Variants in OVCH1 observed in about 807,000 individuals in gnomAD.
OVCH1 encodes the protein ovochymase-1.
Under a neutral mutation model 138.4 loss-of-function variants are expected in OVCH1, and 139 were observed. That is an observed-to-expected ratio of 1.00 (90% confidence interval 0.87 to 1.16). OVCH1 has a LOEUF of 1.16. OVCH1 is among the 50% of genes most tolerant of loss of function. The pLI is 0.00. For missense variants in OVCH1, 1,367 were observed against 1,357.9 expected, an observed-to-expected ratio of 1.01 and a Z score of -0.11; for synonymous variants, 453 against 467.8, an observed-to-expected ratio of 0.97 and a Z score of 0.41.
At chr12:29,420,508 TTTTTTTTTTTTTTTTTTTTTG>T (rs1941088975) in intron 3 of OVCH1, among the ~76,000 whole-genome samples, 1 of 6,296 alleles carries the variant, frequency 1.6e-4, no homozygotes, top group Non-Finnish European at 5.3e-4. Context: ...TTTTTTTTTT[TTTTTTTTTTTTTTTTTTTTTG>T]AGACGGAGTC....
At chr12:29,436,264 T>A (rs1053096102) in intron 26 of OVCH1, among the ~76,000 whole-genome samples, 2 of 142,028 alleles carry the variant, frequency 1.4e-5, no homozygotes, top group Non-Finnish European at 3.0e-5. Context: ...TTTAATAATA[T>A]AAGTATAGCT....
At chr12:29,440,014 C>T (rs1192311629) in intron 25 of OVCH1, among the ~76,000 whole-genome samples, 1 of 152,158 alleles carries the variant, frequency 6.6e-6, no homozygotes, top group Admixed American at 6.5e-5. Context: ...TTTATGAACT[C>T]TCCTTTTGGG....
chr12:29,415,577 A>G (rs970838550), intron 3 of OVCH1, among the ~76,000 whole-genome samples: 2 of 152,206 alleles, frequency 1.3e-5, no homozygotes, highest in African/African-American at 2.4e-5. Flanking sequence ...AGACAATGCA[A>G]TACTTAGGTA....
chr12:29,425,966 C>G (rs1941173807), downstream of OVCH1: 1 of 152,154 alleles, frequency 6.6e-6, no homozygotes, highest in Non-Finnish European at 1.5e-5. Flanking sequence ...TGCCAACGTT[C>G]CTTAAATTTG....
At chr12:29,437,466 T>C (rs1056540349) in intron 26 of OVCH1, among the ~76,000 whole-genome samples, 1 of 152,228 alleles carries the variant, frequency 6.6e-6, no homozygotes, top group African/African-American at 2.4e-5. Flanking sequence ...TAGTCATGGG[T>C]GAATTATCAT....
exon 6 of OVCH1, chr12:29,489,757 T>A: frequency 6.2e-7 from 1 of 1,610,186 alleles, no homozygotes. Flanking sequence ...TGTAGGACAT[T>A]TGAATATTCT....
chr12:29,472,736 CA>C (rs1033449603), intron 15 of OVCH1, among the ~76,000 whole-genome samples: 4 of 152,294 alleles, frequency 2.6e-5, no homozygotes, highest in Middle Eastern at 6.8e-3. Flanking sequence ...CTCTTTGCCC[CA>C]CACTGACTAT....
intron 14 of OVCH1, among the ~76,000 whole-genome samples, chr12:29,474,709 A>G (rs1226055283): frequency 6.6e-6 from 1 of 152,178 alleles, no homozygotes; most frequent in Non-Finnish European, 1.5e-5. Flanking sequence ...CAGGATACCT[A>G]TTAATTCTTC....
chr12:29,402,669 G>A, the OVCH1 span, among the ~76,000 whole-genome samples: 5 of 151,120 alleles, frequency 3.3e-5, no homozygotes, highest in African/African-American at 1.2e-4. Context: ...AGAAGAGGGA[G>A]GTTGTTAATT....
intron 8 of OVCH1, 113 bp downstream of exon 8, chr12:29,486,137 A>G (rs1943098391): frequency 9.5e-7 from 1 of 1,050,876 alleles, no homozygotes; most frequent in South Asian, 1.5e-5. Context: ...TAAAGTTTAC[A>G]TTCAAAAATT....
chr12:29,412,286 C>T (rs1017915485), downstream of OVCH1, among the ~76,000 whole-genome samples: 52 of 152,246 alleles, frequency 3.4e-4, no homozygotes, highest in African/African-American at 1.1e-3. Context: ...CACTCTGCTT[C>T]GGCTCACGCA....
intron 19 of OVCH1, among the ~76,000 whole-genome samples, chr12:29,461,205 A>T (rs1033074795): frequency 6.6e-6 from 1 of 152,238 alleles, no homozygotes; most frequent in African/African-American, 2.4e-5. Context: ...TTACTTGGGT[A>T]GCCCCACATC....
intron 19 of OVCH1, among the ~76,000 whole-genome samples, chr12:29,458,377 A>AC (rs1246745683): frequency 6.6e-6 from 1 of 152,128 alleles, no homozygotes; most frequent in African/African-American, 2.4e-5. Flanking sequence ...GGTGCAAAAA[A>AC]AAAAATACAT....
intron 19 of OVCH1, among the ~76,000 whole-genome samples, chr12:29,461,395 A>G (rs1052973946): frequency 3.9e-5 from 6 of 152,256 alleles, no homozygotes; most frequent in Admixed American, 3.9e-4. Flanking sequence ...AGCTTGTACA[A>G]TAGACATCTT....
At chr12:29,477,656 C>T in intron 9 of OVCH1, 178 bp from the exon 11 acceptor site, 1 of 1,519,904 alleles carries the variant, frequency 6.6e-7, no homozygotes, top group Non-Finnish European at 9.0e-7. Flanking sequence ...TTCCAGTCTC[C>T]TTCTCAACCC....
Position 29,469,804 on chromosome 12 carries a change from G to C in OVCH1, c.1856+1998C>G, listed in dbSNP as rs542511087. ...TGGGAGGATCCCTTGAGCCCCACAGGTAAGACTAAAGTGAGCTATGATCAT... is the reference window on the plus strand; with the variant it reads ...TGGGAGGATCCCTTGAGCCCCACAGCTAAGACTAAAGTGAGCTATGATCAT... On this transcript the variant is annotated intron_variant, in intron 16 of 27. Coordinates refer to ENST00000318184, the Ensembl canonical transcript of OVCH1. 1.8e-3 allele frequency among the ~76,000 whole-genome samples: 281 copies of C among 152,196 alleles called. 1 individual carries two copies. The highest frequency in any genetic ancestry group is 6.3e-3 in the African/African-American group (263 of 41,538).
chr12:29,480,424 CTAAT>C (rs1193806618), intron 8 of OVCH1, among the ~76,000 whole-genome samples: 1 of 152,142 alleles, frequency 6.6e-6, no homozygotes, highest in East Asian at 1.9e-4. Context: ...GTTCCATCAT[CTAAT>C]TATTTTCGTC....
intron 22 of OVCH1, among the ~76,000 whole-genome samples, chr12:29,449,653 G>A (rs902352431): frequency 1.3e-5 from 2 of 151,978 alleles, no homozygotes; most frequent in African/African-American, 4.8e-5. Context: ...TCATGATTTG[G>A]CTGTTATATT....
intron 16 of OVCH1, among the ~76,000 whole-genome samples, chr12:29,470,716 T>C (rs1274134716): frequency 6.6e-6 from 1 of 152,194 alleles, no homozygotes; most frequent in Non-Finnish European, 1.5e-5. Context: ...TTATTTATAA[T>C]CTTTTGGGTA....
Sources: allele counts gnomAD v4.1 joint callset (sites outside exome capture counted in the v4.1 genomes callset), GRCh38; gene constraint gnomAD v4.1.1; transcripts MANE v1.5; gene names NCBI Gene and HGNC (gene_info 2026-07-23, HGNC 2026-07-21).